SLAIN2: variants seen among roughly 807,000 people sequenced by gnomAD.
The protein encoded by SLAIN2 is SLAIN motif-containing protein 2.
A neutral mutation model predicts 56.6 loss-of-function variants in SLAIN2; 31 were observed. That is an observed-to-expected ratio of 0.55 (90% CI 0.41 to 0.74). SLAIN2 has a LOEUF of 0.74. Among genes scored for constraint, SLAIN2 ranks in the 30% least tolerant of loss-of-function variants. SLAIN2 has a pLI of 0.00. For missense variants in SLAIN2, 777 were observed against 754.2 expected (o/e 1.03, Z -0.35); for synonymous variants, 317 against 284.9 (o/e 1.11, Z -1.13).
intron 6 of SLAIN2, among the ~76,000 whole-genome samples, chr4:48,384,924 A>G (rs1347690797): frequency 1.3e-5 from 2 of 152,212 alleles, no homozygotes; most frequent in Admixed American, 6.5e-5. Flanking sequence ...AGCATTAATA[A>G]AAACAATAAT....
In SLAIN2 at chr4:48,368,051, C is replaced by CTTTTTTTTTTTTTTTTTTTTTTTTTT. The variant is rs36096623; in HGVS notation, c.390-1785_390-1784insTTTTTTTTTTTTTTTTTTTTTTTTTT. 9.5e-4 allele frequency among the ~76,000 whole-genome samples: 84 copies of CTTTTTTTTTTTTTTTTTTTTTTTTTT among 88,806 alleles called. 17 individuals carry two copies. The highest frequency in any genetic ancestry group is 2.0e-3 in the East Asian group (5 of 2,486). The allele number at this position is 88,806 out of a possible 152,430, so 58.3% of individuals were successfully genotyped here. ...TTCACTGAACGTAGTGTTTTTGAGG[C>CTTTTTTTTTTTTTTTTTTTTTTTTTT]TTTTTTTTTTTTTGACAGTGTTGCT... On this transcript the variant is annotated intron_variant, in intron 1 of 7. Coordinates refer to ENST00000264313, the MANE Select transcript of SLAIN2 (RefSeq NM_020846.2).
Position 48,376,619 on chromosome 4 carries a change from C to CTT in SLAIN2, c.539-1258_539-1257dup, listed in dbSNP as rs556187877. ...TTTTTGACAGAAGTATTCAGGTTGA[C>CTT]TTTTTTTTTTTTTTTTTTTTGAGAC... On this transcript the variant is annotated intron_variant, in intron 2 of 7. Coordinates refer to ENST00000264313, the MANE Select transcript of SLAIN2 (RefSeq NM_020846.2). Among the ~76,000 whole-genome samples the CTT allele has an allele frequency of 7.1e-4, 76 of 107,546 alleles. 1 individual carries two copies. The highest frequency in any genetic ancestry group is 1.0e-3 in the Non-Finnish European group (56 of 54,892). The allele number at this position is 107,546 out of a possible 152,430, so 70.6% of individuals were successfully genotyped here. A position where few individuals can be genotyped will look rare whatever the true frequency, so the allele number is the denominator to read the frequency against.
intron 3 of SLAIN2, 80 bp downstream of exon 3, chr4:48,378,140 A>T (rs1204041456): frequency 1.4e-6 from 2 of 1,438,042 alleles, no homozygotes; most frequent in South Asian, 1.3e-5. Flanking sequence ...ATTCATCTGC[A>T]GTTCGAGTTC....
chr4:48,409,481 C>T (rs967568232), intron 6 of SLAIN2, among the ~76,000 whole-genome samples: 4 of 152,178 alleles, frequency 2.6e-5, no homozygotes, highest in African/African-American at 4.8e-5. Flanking sequence ...CATAACTGTA[C>T]TTTGTTCCTT....
At chr4:48,351,706 T>C (rs1472810918) in intron 1 of SLAIN2, among the ~76,000 whole-genome samples, 1 of 152,270 alleles carries the variant, frequency 6.6e-6, no homozygotes, top group African/African-American at 2.4e-5. Context: ...TCTAACGCCA[T>C]GTCTGGCCAG....
intron 1 of SLAIN2, among the ~76,000 whole-genome samples, chr4:48,347,090 G>C (rs1349906873): frequency 1.3e-5 from 2 of 151,834 alleles, no homozygotes; most frequent in Admixed American, 1.3e-4. Context: ...GGAACATTGA[G>C]AGACATGATA....
chr4:48,404,084 G>T (rs776337125), intron 6 of SLAIN2, among the ~76,000 whole-genome samples: 1 of 152,076 alleles, frequency 6.6e-6, no homozygotes, highest in Non-Finnish European at 1.5e-5. Flanking sequence ...TCTCCATGGG[G>T]TCAAGCTGTT....
At chr4:48,374,120 T>C (rs530056732) in intron 2 of SLAIN2, among the ~76,000 whole-genome samples, 2 of 152,228 alleles carry the variant, frequency 1.3e-5, no homozygotes, top group South Asian at 4.1e-4. Context: ...GCATGACATA[T>C]ACGAAGAAGT....
chr4:48,345,050 T>A (rs1248170340), intron 1 of SLAIN2, among the ~76,000 whole-genome samples: 1 of 152,240 alleles, frequency 6.6e-6, no homozygotes, highest in East Asian at 1.9e-4. Flanking sequence ...TTTATACATT[T>A]ATGAGATAGG....
At chr4:48,382,465 A>G (rs1163360486) in intron 4 of SLAIN2, 103 bp from the exon 5 acceptor site, 2 of 1,217,100 alleles carry the variant, frequency 1.6e-6, no homozygotes, top group African/African-American at 3.0e-5. Flanking sequence ...TTTACACTTT[A>G]CACCCTCTTT....
chr4:48,395,031 C>G (rs148361493), intron 6 of SLAIN2, among the ~76,000 whole-genome samples: 2 of 152,126 alleles, frequency 1.3e-5, no homozygotes, highest in African/African-American at 2.4e-5. Flanking sequence ...CTTTTACTTA[C>G]CTGTGTAAAA....
chr4:48,389,673 G>C lies in SLAIN2; in HGVS notation c.1360+5889G>C, dbSNP rs543491095. Among the ~76,000 whole-genome samples the C allele has an allele frequency of 2.6e-5, 4 of 152,316 alleles. No homozygotes were observed. The South Asian group carries it at 8.3e-4, about 32-fold the overall frequency. ...TTGCCCAACAAAGAAAGGAGATATA[G>C]GTTTTCCCAACAGTGGGATCAGTAA... On this transcript the variant is annotated intron_variant, in intron 6 of 7. Coordinates refer to ENST00000264313, the MANE Select transcript of SLAIN2 (RefSeq NM_020846.2).
chr4:48,422,021 G>GCTCCTAAAA lies in SLAIN2; in HGVS notation c.1692_1700dup (p.Pro565_Thr567dup). On this transcript the variant is annotated inframe_insertion, in exon 8 of 8. Transcript: ENST00000264313. ...ATTGCTTTATTACAGATCCTTGCCA[G>GCTCCTAAAA]CTCCTAAAACCTATGGTAGCATGAA... The GCTCCTAAAA allele has an allele frequency of 5.6e-6, 9 of 1,609,144 alleles. No individual in the cohort carries two copies. The highest frequency in any genetic ancestry group is 7.6e-6 in the Non-Finnish European group (9 of 1,177,694).
chr4:48,374,205 C>T (rs768754036), intron 2 of SLAIN2, among the ~76,000 whole-genome samples: 2 of 152,098 alleles, frequency 1.3e-5, no homozygotes, highest in Non-Finnish European at 2.9e-5. Context: ...CTCTGTAAAA[C>T]CTTATAGGCC....
chr4:48,392,277 G>T (rs1045943218), intron 6 of SLAIN2, among the ~76,000 whole-genome samples: 1 of 152,110 alleles, frequency 6.6e-6, no homozygotes, highest in Non-Finnish European at 1.5e-5. Context: ...TGATTCTTCA[G>T]ATTTCCCAGT....
At chr4:48,353,636 CT>C (rs1715078146) in intron 1 of SLAIN2, among the ~76,000 whole-genome samples, 1 of 152,050 alleles carries the variant, frequency 6.6e-6, no homozygotes, top group Non-Finnish European at 1.5e-5. Flanking sequence ...AGTTTTGAAT[CT>C]GGTAACACAG....
intron 6 of SLAIN2, among the ~76,000 whole-genome samples, chr4:48,385,605 T>G (rs1033263201): frequency 2.0e-5 from 3 of 151,738 alleles, no homozygotes; most frequent in African/African-American, 4.8e-5. Flanking sequence ...TTTGAAGATA[T>G]TTAACCCTTT....
intron 1 of SLAIN2, among the ~76,000 whole-genome samples, chr4:48,348,067 C>A (rs925753182): frequency 4.6e-5 from 7 of 152,116 alleles, no homozygotes; most frequent in African/African-American, 1.4e-4. Context: ...TTTATTTAGC[C>A]TATAGATATT....
Position 48,418,702 on chromosome 4 carries a change from G to A in SLAIN2, c.1361-1423G>A, listed in dbSNP as rs1368284165. ...GACATGTTCTTTCCTATTTTGTGAC[G>A]GAGATTATGTTGAATTTGTGTTCAT... On this transcript the variant is annotated intron_variant, in intron 6 of 7. Coordinates refer to ENST00000264313, the MANE Select transcript of SLAIN2 (RefSeq NM_020846.2). 7.9e-5 allele frequency among the ~76,000 whole-genome samples: 12 copies of A among 152,006 alleles called. No homozygotes were observed. The South Asian group carries it at 1.2e-3, about 16-fold the overall frequency.
Sources: gnomAD v4.1 joint callset for allele counts (sites outside exome capture counted in the v4.1 genomes callset) on GRCh38, gnomAD v4.1.1 for gene constraint, MANE v1.5 for transcripts, NCBI Gene and HGNC (gene_info 2026-07-23, HGNC 2026-07-21) for gene names.